The following ATRNL1 variants were observed in gnomAD, a reference collection of about 807,000 sequenced individuals.
ATRNL1 encodes attractin-like protein 1.
In ATRNL1, 95 loss-of-function variants were observed where a neutral mutation model predicts 182.7. The observed-to-expected ratio is 0.52, with a 90% CI of 0.44 to 0.62. The LOEUF is 0.62. Ranked by LOEUF, ATRNL1 falls within the 20% of genes least tolerant of loss-of-function variation. ATRNL1 has a pLI of 0.00. For missense variants in ATRNL1, 1,471 were observed against 1,679.5 expected (o/e 0.88, Z 2.17); for synonymous variants, 576 against 568.3 (o/e 1.01, Z -0.19).
chr10:115,567,147 A>C (rs1854119301), intron 26 of ATRNL1, among the ~76,000 whole-genome samples: 1 of 152,138 alleles, frequency 6.6e-6, no homozygotes, highest in Non-Finnish European at 1.5e-5. Context: ...ACATTTCTTA[A>C]TTTTATAGTG....
chr10:115,941,661 T>G (rs1953733757), intron 28 of ATRNL1, among the ~76,000 whole-genome samples: 1 of 152,226 alleles, frequency 6.6e-6, no homozygotes, highest in Non-Finnish European at 1.5e-5. Flanking sequence ...CATATTTGGC[T>G]GTCTCTGGAT....
intron 28 of ATRNL1, among the ~76,000 whole-genome samples, chr10:115,865,847 T>G (rs1555104647): frequency 6.6e-6 from 1 of 152,206 alleles, no homozygotes; most frequent in Admixed American, 6.5e-5. Context: ...GACACTTCTG[T>G]GCTGTCCTCT....
intron 27 of ATRNL1, among the ~76,000 whole-genome samples, chr10:115,728,130 A>C (rs1466636706): frequency 2.2e-5 from 1 of 45,160 alleles, no homozygotes; most frequent in Non-Finnish European, 4.7e-5. Flanking sequence ...AAAAAAAAGA[A>C]AAAAAAAAAA....
At chr10:115,228,923 G>A (rs782221302) in intron 9 of ATRNL1, among the ~76,000 whole-genome samples, 1 of 151,406 alleles carries the variant, frequency 6.6e-6, no homozygotes, top group Non-Finnish European at 1.5e-5. Flanking sequence ...CTGACACCAC[G>A]CCAGGCTATG....
intron 26 of ATRNL1, among the ~76,000 whole-genome samples, chr10:115,671,718 A>G (rs913577998): frequency 6.6e-6 from 1 of 152,148 alleles, no homozygotes; most frequent in Non-Finnish European, 1.5e-5. Flanking sequence ...CAGCCTCCAA[A>G]GGAAAGGGAT....
chr10:115,187,763 C>A (rs1361560906), intron 8 of ATRNL1, among the ~76,000 whole-genome samples: 1 of 146,414 alleles, frequency 6.8e-6, no homozygotes, highest in African/African-American at 2.5e-5. Context: ...CTCACTGCAA[C>A]CTCCACTTCC....
chr10:115,713,477 G>GTGTTTGTGTGTGTT (rs1565310484), intron 26 of ATRNL1, among the ~76,000 whole-genome samples: 4,055 of 149,768 alleles, frequency 0.027, 155 homozygotes, highest in African/African-American at 0.089. Context: ...TTGTGTGTGT[G>GTGTTTGTGTGTGTT]TCTGTGTGAA....
Position 115,115,592 on chromosome 10 carries a change from C to G in ATRNL1, c.294-4593C>G, listed in dbSNP as rs547093556. 1.1e-4 allele frequency among the ~76,000 whole-genome samples: 16 copies of G among 152,112 alleles called. No homozygotes were observed. The East Asian group carries it at 2.3e-3, about 22-fold the overall frequency. ...AATAAGCTGATAAATAGTATTTTAA[C>G]TAGAAAATCTGTTTTTAAAAAAGAT... On this transcript the variant is annotated intron_variant, in intron 1 of 28. Transcript: ENST00000355044.
chr10:115,530,313 G>A (rs1851491036), intron 25 of ATRNL1, among the ~76,000 whole-genome samples: 1 of 152,070 alleles, frequency 6.6e-6, no homozygotes, highest in Non-Finnish European at 1.5e-5. Context: ...TTTTTTTAAA[G>A]AAGATGTATC....
In ATRNL1 at chr10:115,714,010, T is replaced by A. The variant is rs148434535; in HGVS notation, c.3796-13238T>A. ...TCCAAAGCCTTTTTTTCCATGTGAT[T>A]AAGTCATTGCCTCAGCAAAGCTTAG... On this transcript the variant is annotated intron_variant, in intron 26 of 28. Coordinates refer to ENST00000355044, the MANE Select transcript of ATRNL1 (RefSeq NM_207303.4). Among the ~76,000 whole-genome samples the A allele has an allele frequency of 2.8e-4, 43 of 152,352 alleles. No homozygotes were observed. In the East Asian group the frequency reaches 7.9e-3, roughly 28 times the overall value.
chr10:115,729,428 G>GT (rs1489613713), intron 27 of ATRNL1, among the ~76,000 whole-genome samples: 2 of 149,558 alleles, frequency 1.3e-5, no homozygotes, highest in African/African-American at 2.5e-5. Context: ...CATTTACTCT[G>GT]TTTTTTATTG....
intron 27 of ATRNL1, among the ~76,000 whole-genome samples, chr10:115,843,473 A>G (rs1002421000): frequency 6.6e-6 from 1 of 152,050 alleles, no homozygotes; most frequent in Non-Finnish European, 1.5e-5. Flanking sequence ...AGAAGGCTTT[A>G]TAGATGAAGT....
intron 18 of ATRNL1, among the ~76,000 whole-genome samples, chr10:115,319,030 G>A (rs1330647020): frequency 6.6e-6 from 1 of 152,034 alleles, no homozygotes; most frequent in Non-Finnish European, 1.5e-5. Context: ...TGGGCATTTA[G>A]TGCTATAAAT....
chr10:115,386,814 CT>C (rs1490542381), intron 19 of ATRNL1, among the ~76,000 whole-genome samples: 4 of 101,644 alleles, frequency 3.9e-5, no homozygotes, highest in African/African-American at 7.5e-5. Flanking sequence ...TCCCTCCCCC[CT>C]CCCCCCACCC....
chr10:115,500,003 C>A (rs1462866894), intron 24 of ATRNL1, among the ~76,000 whole-genome samples: 1 of 152,016 alleles, frequency 6.6e-6, no homozygotes, highest in Non-Finnish European at 1.5e-5. Context: ...AGGTAGGTCC[C>A]AAGTTATTAG....
At chr10:115,770,812 T>G (rs961711721) in intron 27 of ATRNL1, among the ~76,000 whole-genome samples, 1 of 152,318 alleles carries the variant, frequency 6.6e-6, no homozygotes, top group South Asian at 2.1e-4. Context: ...TTTGCATTGC[T>G]CATCTCATTC....
At chr10:115,722,057 C>G (rs1947443993) in intron 26 of ATRNL1, among the ~76,000 whole-genome samples, 1 of 152,094 alleles carries the variant, frequency 6.6e-6, no homozygotes, top group Admixed American at 6.5e-5. Context: ...GACAGTCACT[C>G]AAGTTTACTT....
At position 115,670,767 on chromosome 10, in the gene ATRNL1, G is replaced by T. The variant is rs540685847; in HGVS notation, c.3796-56481G>T. 3.0e-3 allele frequency among the ~76,000 whole-genome samples: 451 copies of T among 152,206 alleles called. 2 individuals are homozygous for T. The highest frequency in any genetic ancestry group is 0.01 in the African/African-American group (430 of 41,560). On this transcript the variant is annotated intron_variant, in intron 26 of 28. Coordinates refer to ENST00000355044, the MANE Select transcript of ATRNL1 (RefSeq NM_207303.4). ...GAAGGAGACAGTGCCCTGTGTTTCA[G>T]TGAGGTATGGAACACCTGAGTTCAG...
At chr10:115,622,411 C>A (rs1172501435) in intron 26 of ATRNL1, among the ~76,000 whole-genome samples, 2 of 152,164 alleles carry the variant, frequency 1.3e-5, no homozygotes, top group Admixed American at 6.5e-5. Flanking sequence ...GTAGCAAGCT[C>A]AAGTTTGAAA....
Sources: allele counts gnomAD v4.1 joint callset (sites outside exome capture counted in the v4.1 genomes callset), GRCh38; gene constraint gnomAD v4.1.1; transcripts MANE v1.5; gene names NCBI Gene and HGNC (gene_info 2026-07-23, HGNC 2026-07-21).